The following DRC8 variants were observed in gnomAD, a reference collection of about 807,000 sequenced individuals.
The protein encoded by DRC8 is dynein regulatory complex subunit 8.
chr1:245,108,080 C>T, the DRC8 span, among the ~76,000 whole-genome samples: 1 of 152,134 alleles, frequency 6.6e-6, no homozygotes, highest in Non-Finnish European at 1.5e-5. Context: ...CAAGTCCACC[C>T]CGTCTTTTCA....
the DRC8 span, among the ~76,000 whole-genome samples, chr1:245,069,384 C>T: frequency 6.6e-6 from 1 of 152,168 alleles, no homozygotes; most frequent in African/African-American, 2.4e-5. Context: ...AGGTCTCGTC[C>T]TCATTGTCTT....
the DRC8 span, among the ~76,000 whole-genome samples, chr1:245,093,696 AC>A: frequency 3.4e-3 from 479 of 142,098 alleles, 1 homozygote; most frequent in African/African-American, 0.013. Flanking sequence ...ACTCCATCTC[AC>A]AAAAAAAAAA....
the DRC8 span, among the ~76,000 whole-genome samples, chr1:245,094,578 T>C: frequency 6.6e-6 from 1 of 152,174 alleles, no homozygotes; most frequent in Non-Finnish European, 1.5e-5. Context: ...GTCAATGAGA[T>C]TTAACTCTAA....
At chr1:245,076,586 G>T in the DRC8 span, among the ~76,000 whole-genome samples, 1 of 152,158 alleles carries the variant, frequency 6.6e-6, no homozygotes, top group Non-Finnish European at 1.5e-5. Flanking sequence ...CAATGACTTT[G>T]TAGTCTTTTC....
chr1:245,007,944 T>C, the DRC8 span, among the ~76,000 whole-genome samples: 2 of 152,148 alleles, frequency 1.3e-5, no homozygotes, highest in Non-Finnish European at 2.9e-5. Context: ...GTGGGAGGAT[T>C]GCTTGAGGCC....
chr1:245,023,938 G>A, the DRC8 span, among the ~76,000 whole-genome samples: 2 of 152,124 alleles, frequency 1.3e-5, no homozygotes, highest in Admixed American at 1.3e-4. Flanking sequence ...GGGAGGCCGA[G>A]GTGGGCAGAT....
At chr1:245,006,589 C>A in the DRC8 span, among the ~76,000 whole-genome samples, 2 of 151,894 alleles carry the variant, frequency 1.3e-5, no homozygotes, top group Admixed American at 6.6e-5. Context: ...GTAGTCTAAT[C>A]GTAAGCAATG....
the DRC8 span, among the ~76,000 whole-genome samples, chr1:245,002,693 G>GT: frequency 6.6e-6 from 1 of 151,380 alleles, no homozygotes; most frequent in Non-Finnish European, 1.5e-5. Context: ...TAATTTTTGT[G>GT]TTTTTTTGTA....
the DRC8 span, among the ~76,000 whole-genome samples, chr1:245,050,502 G>A: frequency 1.3e-5 from 2 of 152,040 alleles, no homozygotes; most frequent in Non-Finnish European, 2.9e-5. Flanking sequence ...TTAACTCTAC[G>A]TGATCCCTGA....
chr1:245,090,204 CCAGGTAGGAGGAGTGGGTAA>C, the DRC8 span, among the ~76,000 whole-genome samples: 6 of 151,944 alleles, frequency 3.9e-5, no homozygotes, highest in African/African-American at 1.5e-4. Flanking sequence ...AGGGAAAGAC[CCAGGTAGGAGGAGTGGGTAA>C]CAGGTAGGAG....
chr1:245,014,305 G>A, the DRC8 span, among the ~76,000 whole-genome samples: 1 of 152,104 alleles, frequency 6.6e-6, no homozygotes, highest in Non-Finnish European at 1.5e-5. Context: ...AGAAATAATT[G>A]AAGATCCCAG....
At chr1:244,974,457 A>G in the DRC8 span, among the ~76,000 whole-genome samples, 1 of 152,194 alleles carries the variant, frequency 6.6e-6, no homozygotes. Context: ...GTGCTTTGAT[A>G]ACATTGCTTG....
the DRC8 span, among the ~76,000 whole-genome samples, chr1:245,055,345 G>C: frequency 6.6e-6 from 1 of 151,754 alleles, no homozygotes. Context: ...TTAGAGACAC[G>C]ATCTCACTCT....
At chr1:245,063,066 G>A in the DRC8 span, among the ~76,000 whole-genome samples, 3 of 152,176 alleles carry the variant, frequency 2.0e-5, no homozygotes, top group Admixed American at 6.5e-5. Context: ...CCCTTGGTGA[G>A]CAGTGCATCT....
the DRC8 span, among the ~76,000 whole-genome samples, chr1:245,079,814 A>C: frequency 6.6e-6 from 1 of 152,202 alleles, no homozygotes; most frequent in African/African-American, 2.4e-5. Context: ...CCTCCTCCGG[A>C]GATAACCTCG....
At chr1:245,061,592 T>TG in the DRC8 span, among the ~76,000 whole-genome samples, 2 of 151,912 alleles carry the variant, frequency 1.3e-5, no homozygotes, top group South Asian at 2.1e-4. Flanking sequence ...AATAAATGGG[T>TG]GGGAAAAAAG....
chr1:245,107,839 T>A, the DRC8 span, among the ~76,000 whole-genome samples: 1 of 152,168 alleles, frequency 6.6e-6, no homozygotes. Context: ...AGCACAGTTG[T>A]GCTGGGCACA....
the DRC8 span, among the ~76,000 whole-genome samples, chr1:244,971,819 G>A: frequency 3.3e-5 from 5 of 152,132 alleles, no homozygotes; most frequent in Non-Finnish European, 5.9e-5. Context: ...CAAGGATACC[G>A]TGATTTTTAT....
chr1:245,098,009 G>A, the DRC8 span, among the ~76,000 whole-genome samples: 1 of 152,206 alleles, frequency 6.6e-6, no homozygotes, highest in African/African-American at 2.4e-5. Flanking sequence ...ATTGAATGGT[G>A]CTGAGCCAGT....
Sources: allele counts gnomAD v4.1 joint callset (sites outside exome capture counted in the v4.1 genomes callset), GRCh38; gene constraint gnomAD v4.1.1; transcripts MANE v1.5; gene names NCBI Gene and HGNC (gene_info 2026-07-23, HGNC 2026-07-21).